The following EEA1 variants were observed in gnomAD, a reference collection of about 807,000 sequenced individuals.
EEA1 encodes early endosome antigen 1.
Under a neutral mutation model 209.2 loss-of-function variants are expected in EEA1, and 111 were observed. That is an observed-to-expected ratio of 0.53 (90% CI 0.45 to 0.62). The LOEUF is 0.62. EEA1 is among the 20% of genes least tolerant of loss of function. The pLI, the probability that EEA1 is intolerant of heterozygous loss-of-function variation, is 0.00. For missense variants in EEA1, 1,343 were observed against 1,530.8 expected, an observed-to-expected ratio of 0.88 and a Z score of 2.05; for synonymous variants, 536 against 540.6, an observed-to-expected ratio of 0.99 and a Z score of 0.12.
intron 7 of EEA1, 23 bp from the exon 8 acceptor site, chr12:92,852,319 A>G: frequency 6.7e-7 from 1 of 1,496,622 alleles, no homozygotes; most frequent in Non-Finnish European, 8.9e-7. Flanking sequence ...AGTTATATAA[A>G]TATTAGTTTA....
At position 92,816,118 on chromosome 12, in the gene EEA1, G is replaced by A. The variant is rs1220465270; in HGVS notation, c.1929+82C>T. The A allele has an allele frequency of 5.5e-6, 7 of 1,266,534 alleles. No individual in the cohort carries two copies. The Admixed American group carries it at 1.6e-4, about 29-fold the overall frequency. 78.5% of individuals were successfully genotyped at this position (1,266,534 alleles called of 1,614,324 possible). On this transcript the variant is annotated intron_variant, in intron 15 of 28. Transcript: ENST00000322349. ...CAAATTTTTTTCAATTAATATGCAA[G>A]GTAAAAAGAGATAGAAACAGAATTT...
intron 21 of EEA1, among the ~76,000 whole-genome samples, chr12:92,798,023 T>C (rs1282178937): frequency 6.6e-6 from 1 of 152,138 alleles, no homozygotes; most frequent in East Asian, 1.9e-4. Context: ...AAGGAACTCA[T>C]TGTGCTCAAA....
chr12:92,887,035 G>GAA (rs11386951), intron 2 of EEA1, among the ~76,000 whole-genome samples: 4 of 151,454 alleles, frequency 2.6e-5, no homozygotes, highest in Non-Finnish European at 5.9e-5. Flanking sequence ...CAAAAACAAA[G>GAA]AAAAAAAGAA....
intron 1 of EEA1, 140 bp downstream of exon 1, chr12:92,928,903 C>A (rs1881316414): frequency 2.8e-6 from 2 of 722,736 alleles, no homozygotes; most frequent in Non-Finnish European, 4.0e-6. Flanking sequence ...CCGGGCCGGG[C>A]GACCGAGGCC....
intron 22 of EEA1, among the ~76,000 whole-genome samples, chr12:92,783,114 G>A (rs1873981742): frequency 1.3e-5 from 2 of 152,214 alleles, no homozygotes; most frequent in Admixed American, 6.5e-5. Context: ...AACCCAAAGA[G>A]GGTGTCATGA....
chr12:92,851,884 T>A (rs1420169053), intron 8 of EEA1, among the ~76,000 whole-genome samples: 1 of 152,028 alleles, frequency 6.6e-6, no homozygotes, highest in Non-Finnish European at 1.5e-5. Context: ...AAAACAAACA[T>A]GCAAGAGAAG....
At chr12:92,905,572 C>T (rs1160207269) in intron 1 of EEA1, 1 of 152,058 alleles carries the variant, frequency 6.6e-6, no homozygotes, top group Non-Finnish European at 1.5e-5. Flanking sequence ...CGCCACTGCA[C>T]TCCAGCTTAG....
intron 14 of EEA1, among the ~76,000 whole-genome samples, chr12:92,817,168 A>G (rs1229678450): frequency 1.3e-5 from 2 of 151,030 alleles, no homozygotes; most frequent in Admixed American, 1.3e-4. Flanking sequence ...ATACTATCCC[A>G]TGGGTCACTA....
chr12:92,878,470 T>C (rs1284838507), intron 2 of EEA1, among the ~76,000 whole-genome samples: 4 of 152,150 alleles, frequency 2.6e-5, no homozygotes, highest in East Asian at 3.9e-4. Flanking sequence ...GCTAAAAGAA[T>C]AGCAAGTTGA....
intron 8 of EEA1, 134 bp downstream of exon 8, chr12:92,852,041 G>A (rs1334163291): frequency 1.7e-6 from 1 of 598,004 alleles, no homozygotes; most frequent in African/African-American, 1.9e-5. Flanking sequence ...TATGCAGGTG[G>A]TAGAATATAG....
At chr12:92,781,508 C>T (rs1031421037) in intron 23 of EEA1, among the ~76,000 whole-genome samples, 1 of 152,108 alleles carries the variant, frequency 6.6e-6, no homozygotes, top group Non-Finnish European at 1.5e-5. Context: ...TATTAGTAAA[C>T]CAATGCTTTC....
In EEA1 at chr12:92,851,236, C is replaced by T. The variant is rs143894256; in HGVS notation, c.673G>A (p.Val225Met). The part of the protein sequence containing the change: ...LQRPGIEDVA[V>M]LKKELVQVQT... ...ACTTGGACCAGTTCTTTCTTTAGCA[C>T]GGCAACATCTTCTATACCAGGTCTC... Residue 225 changes from valine (V) to methionine (M), a missense_variant, in exon 9 of 29, where the codon GTG becomes ATG. Val to Met is a conservative substitution (Grantham distance 21). This residue lies in a region of EEA1 where 1,307 missense variants were observed against 1,465.5 expected (regional missense o/e 0.89). Coordinates refer to ENST00000322349, the MANE Select transcript of EEA1 (RefSeq NM_003566.4). The T allele has an allele frequency of 1.5e-5, 24 of 1,613,290 alleles. No homozygotes were observed. Among genetic ancestry groups the T allele is most frequent in the Non-Finnish European group, 1.7e-5 (20 of 1,179,736 alleles).
chr12:92,826,357 C>A (rs1876299204), intron 12 of EEA1, 72 bp from the exon 13 acceptor site: 3 of 1,385,810 alleles, frequency 2.2e-6, no homozygotes, highest in Non-Finnish European at 3.0e-6. Flanking sequence ...TCTGGCATTA[C>A]TTCAATTCTC....
intron 1 of EEA1, among the ~76,000 whole-genome samples, chr12:92,892,306 G>A (rs558174807): frequency 6.6e-6 from 1 of 152,144 alleles, no homozygotes; most frequent in South Asian, 2.1e-4. Flanking sequence ...TGCCCAAGAT[G>A]GTCTCAAACT....
intron 2 of EEA1, among the ~76,000 whole-genome samples, chr12:92,877,892 T>C (rs1015050786): frequency 6.6e-6 from 1 of 152,228 alleles, no homozygotes; most frequent in African/African-American, 2.4e-5. Context: ...TTTTGCATAA[T>C]AGGAAGCCAA....
chr12:92,804,455 C>T (rs550814259), intron 18 of EEA1, among the ~76,000 whole-genome samples: 2 of 151,650 alleles, frequency 1.3e-5, no homozygotes, highest in Admixed American at 6.6e-5. Context: ...ACCTGTAATC[C>T]CAGCTACTCG....
chr12:92,832,595 G>C lies in EEA1; in HGVS notation c.1171C>G (p.Leu391Val). The part of the protein sequence containing the change: ...LSEVETKYQH[L>V]KAEFKQLQQQ... ...TGTAGCTGCTTAAACTCCGCCTTTA[G>C]ATGCTGGTACTTGGTCTCTACCTCA... The change falls in exon 11 of 29, where the codon CTA becomes GTA. Residue 391 changes from leucine to valine, a missense_variant. Transcript: ENST00000322349. The C allele has an allele frequency of 1.2e-6, 2 of 1,614,034 alleles. No homozygotes were observed. Among genetic ancestry groups the C allele is most frequent in the East Asian group, 2.2e-5 (1 of 44,844 alleles).
intron 2 of EEA1, among the ~76,000 whole-genome samples, chr12:92,883,176 C>T (rs1879230735): frequency 1.3e-5 from 2 of 152,130 alleles, no homozygotes; most frequent in Admixed American, 6.5e-5. Context: ...AGATATGGAC[C>T]ATTTTGTCAC....
rs1007473790 is a variant in EEA1, at chr12:92,772,830, A to C, written c.*3181T>G. On this transcript the variant is annotated 3_prime_UTR_variant, in exon 29 of 29. Coordinates refer to ENST00000322349, the MANE Select transcript of EEA1 (RefSeq NM_003566.4). ...TATGAATATATGATCCAGTTCAAGG[A>C]ATTACAGAATGTCATATACACAACT... 1.3e-5 allele frequency: 2 copies of C among 152,304 alleles called. No individual in the cohort carries two copies. Among genetic ancestry groups the C allele is most frequent in the Non-Finnish European group, 3.0e-5 (2 of 67,786 alleles). 9.4% of individuals were successfully genotyped at this position (152,304 alleles called of 1,614,324 possible). A position where few individuals can be genotyped will look rare whatever the true frequency, so the allele number is the denominator to read the frequency against.
Sources: allele counts gnomAD v4.1 joint callset (sites outside exome capture counted in the v4.1 genomes callset), GRCh38; gene constraint gnomAD v4.1.1; regional missense constraint gnomAD v4.1.1; transcripts MANE v1.5; gene names NCBI Gene and HGNC (gene_info 2026-07-23, HGNC 2026-07-21).